Variants in PUDP observed in about 807,000 individuals in gnomAD.
PUDP encodes the protein pseudouridine-5'-phosphatase.
Under a neutral mutation model 9.4 loss-of-function variants are expected in PUDP, and 8 were observed. The observed-to-expected ratio is 0.85, with a 90% CI of 0.50 to 1.53. PUDP has a LOEUF of 1.53. Among genes scored for constraint, PUDP ranks in the 40% most tolerant of loss-of-function variants. PUDP has a pLI of 0.00. For missense variants in PUDP, 188 were observed against 189.7 expected (o/e 0.99, Z 0.05); for synonymous variants, 99 against 80.7 (o/e 1.23, Z -1.22).
intron 3 of PUDP, among the ~76,000 whole-genome samples, chrX:7,065,847 G>A (rs1167049412): frequency 8.9e-6 from 1 of 112,082 alleles, no homozygotes; most frequent in South Asian, 3.7e-4. Flanking sequence ...TATGGGTCAC[G>A]TGTTCTCTGT....
chrX:6,774,027 T>A (rs1047088581), intron 3 of PUDP, among the ~76,000 whole-genome samples: 5 of 111,339 alleles, frequency 4.5e-5, no homozygotes, highest in African/African-American at 1.6e-4. Context: ...TAATCCCATC[T>A]ACTCAGCAGG....
chrX:6,839,535 T>C (rs753493139), intron 3 of PUDP, among the ~76,000 whole-genome samples: 1 of 111,991 alleles, frequency 8.9e-6, no homozygotes, highest in Admixed American at 9.5e-5. Context: ...TCAATGAAAG[T>C]TGTTTTGCTC....
At chrX:7,013,928 G>A (rs184717052) in intron 1 of PUDP, among the ~76,000 whole-genome samples, 178 of 111,840 alleles carry the variant, frequency 1.6e-3, no homozygotes, top group African/African-American at 5.5e-3. Context: ...CTTTTGCCCA[G>A]TGTCCCAGAA....
chrX:6,735,361 G>A (rs1192785605), intron 3 of PUDP, among the ~76,000 whole-genome samples: 16 of 110,888 alleles, frequency 1.4e-4, no homozygotes, highest in Admixed American at 1.9e-4. Context: ...CAACCACCTC[G>A]GACACTGCAA....
At chrX:6,913,824 T>C (rs756770563) in intron 3 of PUDP, among the ~76,000 whole-genome samples, 1 of 111,463 alleles carries the variant, frequency 9.0e-6, no homozygotes, top group Non-Finnish European at 1.9e-5. Flanking sequence ...TTGTTAGTTT[T>C]ACTTTGTCCC....
intron 2 of PUDP, among the ~76,000 whole-genome samples, chrX:7,098,068 G>C (rs996643285): frequency 9.0e-6 from 1 of 111,472 alleles, no homozygotes; most frequent in Non-Finnish European, 1.9e-5. Context: ...GGTGAGGACT[G>C]GATCCTCCTG....
chrX:7,113,528 G>A (rs1246773440), intron 1 of PUDP: 1 of 112,650 alleles, frequency 8.9e-6, no homozygotes, highest in Non-Finnish European at 1.9e-5. Context: ...AATGGCAGCT[G>A]AGGAAAGAGG....
chrX:6,735,927 T>A (rs771584831), intron 3 of PUDP, among the ~76,000 whole-genome samples: 6 of 109,226 alleles, frequency 5.5e-5, no homozygotes, highest in Non-Finnish European at 1.1e-4. Context: ...TTTTCCCAGA[T>A]ACTCAGGGTG....
intron 1 of PUDP, among the ~76,000 whole-genome samples, chrX:7,038,592 C>T (rs1367504797): frequency 9.0e-6 from 1 of 111,251 alleles, no homozygotes; most frequent in Non-Finnish European, 1.9e-5. Context: ...TTAAAAAGAA[C>T]AGGGATTCTT....
chrX:6,809,601 A>G (rs918795262), intron 3 of PUDP, among the ~76,000 whole-genome samples: 1 of 110,885 alleles, frequency 9.0e-6, no homozygotes, highest in Non-Finnish European at 1.9e-5. Flanking sequence ...CAAGCCCTAT[A>G]TGCCTTTTTA....
intron 1 of PUDP, among the ~76,000 whole-genome samples, chrX:7,039,370 T>G (rs755271252): frequency 3.6e-5 from 4 of 112,385 alleles, no homozygotes; most frequent in African/African-American, 6.5e-5. Flanking sequence ...CAGACTGAAT[T>G]GTGCCACGCC....
rs112690034 is a variant in PUDP, at chrX:7,022,549, T to C, written c.205-44206A>G. Reference sequence around the variant, plus strand: ...TGGGAGCAGTCAAGACCAAAGCATATTAGGATGTGAGAATCACTATGGAGC... The same window carrying C: ...TGGGAGCAGTCAAGACCAAAGCATACTAGGATGTGAGAATCACTATGGAGC... On this transcript the variant is annotated intron_variant and NMD_transcript_variant, in intron 1 of 3. Transcript: ENST00000655425. Among the ~76,000 whole-genome samples the C allele has an allele frequency of 3.8e-3, 428 of 111,238 alleles. 3 individuals are homozygous for C. The highest frequency in any genetic ancestry group is 0.014 in the African/African-American group (413 of 30,573).
At chrX:6,803,788 C>A (rs759197360) in intron 3 of PUDP, among the ~76,000 whole-genome samples, 1 of 111,927 alleles carries the variant, frequency 8.9e-6, no homozygotes, top group Non-Finnish European at 1.9e-5. Flanking sequence ...GTGAAACTCA[C>A]GGATTAACAG....
At chrX:6,809,683 A>C (rs1926110872) in intron 3 of PUDP, among the ~76,000 whole-genome samples, 1 of 111,504 alleles carries the variant, frequency 9.0e-6, no homozygotes, top group Admixed American at 9.6e-5. Flanking sequence ...TACCACAGTC[A>C]TAATTTGAAA....
rs528601186 is a variant in PUDP at position 6,867,395 on chromosome X, C to T, written c.*247+109738G>A. 9.0e-4 allele frequency among the ~76,000 whole-genome samples: 100 copies of T among 111,621 alleles called. No individual in the cohort carries two copies. In the South Asian group the frequency reaches 0.01, roughly 12 times the overall value. On this transcript the variant is annotated intron_variant and NMD_transcript_variant, in intron 3 of 3. Coordinates refer to the PUDP transcript ENST00000655425. Reference sequence around the variant, plus strand: ...CACTTTCATGGGGGTCACAGTGAAGCCAGCATGATGGTGGTGGTAGTGGTG... The same window carrying T: ...CACTTTCATGGGGGTCACAGTGAAGTCAGCATGATGGTGGTGGTAGTGGTG...
At chrX:7,024,829 G>A (rs1285692419) in intron 1 of PUDP, among the ~76,000 whole-genome samples, 1 of 96,601 alleles carries the variant, frequency 1.0e-5, no homozygotes, top group Non-Finnish European at 2.0e-5. Context: ...CTGACCTCGT[G>A]ATCTGCCCAC....
chrX:7,096,726 C>T (rs5934477), intron 2 of PUDP, among the ~76,000 whole-genome samples: 10,235 of 110,579 alleles, frequency 0.093, 465 homozygotes, highest in Non-Finnish European at 0.14. Context: ...GTCCTAGCCA[C>T]GCCAGAAGCT....
intron 1 of PUDP, among the ~76,000 whole-genome samples, chrX:6,995,174 T>C (rs1423354993): frequency 1.8e-5 from 2 of 110,390 alleles, no homozygotes; most frequent in Non-Finnish European, 3.8e-5. Context: ...GAACAGAGAA[T>C]GGACATGCAA....
chrX:6,857,478 G>C (rs1926924513), intron 3 of PUDP, among the ~76,000 whole-genome samples: 1 of 112,591 alleles, frequency 8.9e-6, no homozygotes, highest in Admixed American at 9.4e-5. Context: ...CTGTCACCCA[G>C]GCTGGAGTGC....
Sources: allele counts gnomAD v4.1 joint callset (sites outside exome capture counted in the v4.1 genomes callset), GRCh38; gene constraint gnomAD v4.1.1; transcripts MANE v1.5; gene names NCBI Gene and HGNC (gene_info 2026-07-23, HGNC 2026-07-21).